The following NRF1 variants were observed in gnomAD, a reference collection of about 807,000 sequenced individuals.
The protein encoded by NRF1 is alpha palindromic-binding protein.
Under a neutral mutation model 58.5 loss-of-function variants are expected in NRF1, and 5 were observed. The observed-to-expected ratio is 0.09, with a 90% CI of 0.04 to 0.18. The LOEUF (loss-of-function observed/expected upper bound fraction) is 0.18. NRF1 is among the 10% of genes least tolerant of loss of function. NRF1 has a pLI of 1.00. For missense variants in NRF1, 288 were observed against 657.7 expected, an observed-to-expected ratio of 0.44 and a Z score of 6.15; for synonymous variants, 224 against 246.7, an observed-to-expected ratio of 0.91 and a Z score of 0.86.
intron 1 of NRF1, among the ~76,000 whole-genome samples, chr7:129,648,569 A>G (rs1801465184): frequency 6.6e-6 from 1 of 152,044 alleles, no homozygotes; most frequent in Admixed American, 6.6e-5. Flanking sequence ...GTGAGCCACC[A>G]CACCCAGCTT....
At chr7:129,742,450 C>T (rs1401985865) in intron 10 of NRF1, among the ~76,000 whole-genome samples, 2 of 152,110 alleles carry the variant, frequency 1.3e-5, no homozygotes, top group African/African-American at 4.8e-5. Context: ...CGACTCTGCC[C>T]AGCCCATCCT....
intron 1 of NRF1, among the ~76,000 whole-genome samples, chr7:129,631,780 TAA>T (rs78116020): frequency 0.026 from 4,006 of 152,332 alleles, 62 homozygotes; most frequent in Middle Eastern, 0.075. Context: ...TTTAGAGTTA[TAA>T]GTGTGTAAAA....
intron 3 of NRF1, among the ~76,000 whole-genome samples, chr7:129,676,812 A>G (rs1011336929): frequency 6.6e-6 from 1 of 152,234 alleles, no homozygotes; most frequent in Admixed American, 6.5e-5. Context: ...CCCAGATAGT[A>G]TCTGTGAAAC....
intron 2 of NRF1, among the ~76,000 whole-genome samples, chr7:129,661,102 G>A (rs532378267): frequency 5.9e-5 from 9 of 151,436 alleles, no homozygotes; most frequent in South Asian, 2.1e-4. Flanking sequence ...GCCATGGCCC[G>A]AGCTCTGTGT....
intron 8 of NRF1, among the ~76,000 whole-genome samples, chr7:129,711,809 G>T (rs749520875): frequency 6.6e-6 from 1 of 152,034 alleles, no homozygotes; most frequent in Non-Finnish European, 1.5e-5. Context: ...ACATTTGAAT[G>T]TATAGCATTT....
intron 1 of NRF1, among the ~76,000 whole-genome samples, chr7:129,643,392 C>A (rs759686250): frequency 2.6e-5 from 4 of 152,162 alleles, no homozygotes; most frequent in Non-Finnish European, 4.4e-5. Flanking sequence ...GGGGGCGGGA[C>A]TTGTGGCAAT....
At chr7:129,739,435 T>C (rs1186625524) in intron 10 of NRF1, among the ~76,000 whole-genome samples, 1 of 151,998 alleles carries the variant, frequency 6.6e-6, no homozygotes, top group East Asian at 1.9e-4. Context: ...CACTGTGGTC[T>C]CCTGGCAAGT....
intron 1 of NRF1, among the ~76,000 whole-genome samples, chr7:129,652,677 G>A (rs958250923): frequency 3.9e-5 from 6 of 152,076 alleles, no homozygotes; most frequent in African/African-American, 7.2e-5. Flanking sequence ...TGCAAGCTCC[G>A]CCTTCCGGGT....
chr7:129,696,024 A>T (rs1336853460), intron 5 of NRF1, among the ~76,000 whole-genome samples: 7 of 141,114 alleles, frequency 5.0e-5, no homozygotes, highest in Middle Eastern at 3.7e-3. Context: ...GGAGTTCGAG[A>T]CCAGCCTGAC....
chr7:129,652,887 C>T (rs576675540), intron 1 of NRF1, among the ~76,000 whole-genome samples: 9 of 152,288 alleles, frequency 5.9e-5, no homozygotes, highest in Admixed American at 2.0e-4. Flanking sequence ...CCACCGCGCC[C>T]GGCCAGATTA....
intron 2 of NRF1, among the ~76,000 whole-genome samples, chr7:129,670,642 TAA>T (rs1373551418): frequency 6.6e-6 from 1 of 152,194 alleles, no homozygotes; most frequent in Non-Finnish European, 1.5e-5. Flanking sequence ...AATGTCTTTT[TAA>T]AAAGATTGTC....
chr7:129,651,335 G>A (rs545619703), intron 1 of NRF1, among the ~76,000 whole-genome samples: 3 of 151,102 alleles, frequency 2.0e-5, no homozygotes, highest in African/African-American at 7.3e-5. Flanking sequence ...CACGAGAATT[G>A]CTTGAACCCA....
intron 1 of NRF1, chr7:129,633,762 A>G (rs1801101587): frequency 6.6e-6 from 1 of 151,308 alleles, no homozygotes; most frequent in Non-Finnish European, 1.5e-5. Context: ...TCAGCACTAG[A>G]TAACCATACT....
At chr7:129,725,096 G>T (rs891200491) in intron 9 of NRF1, among the ~76,000 whole-genome samples, 2 of 152,140 alleles carry the variant, frequency 1.3e-5, no homozygotes, top group Admixed American at 6.6e-5. Context: ...AAGTAGAATG[G>T]TGGTTGCCAG....
chr7:129,697,339 C>G (rs1294813348), intron 5 of NRF1, among the ~76,000 whole-genome samples: 1 of 151,472 alleles, frequency 6.6e-6, no homozygotes, highest in Non-Finnish European at 1.5e-5. Context: ...GTCAGGAGAT[C>G]GAGACCATCC....
At chr7:129,665,878 T>C (rs1406743876) in intron 2 of NRF1, among the ~76,000 whole-genome samples, 2 of 152,152 alleles carry the variant, frequency 1.3e-5, no homozygotes, top group African/African-American at 4.8e-5. Flanking sequence ...CCTCCCAGAG[T>C]GTTGGGATTA....
chr7:129,658,751 C>T (rs1801716926), intron 2 of NRF1, among the ~76,000 whole-genome samples: 1 of 152,120 alleles, frequency 6.6e-6, no homozygotes, highest in African/African-American at 2.4e-5. Context: ...ATACAGTTGG[C>T]TCTCTTTATC....
chr7:129,621,219 T>C (rs529620326), intron 1 of NRF1, among the ~76,000 whole-genome samples: 2 of 152,340 alleles, frequency 1.3e-5, no homozygotes, highest in African/African-American at 4.8e-5. Flanking sequence ...GGCAGTGATA[T>C]CCATACTTTT....
At chr7:129,634,034 AAAAAAAAAG>A (rs1348027900) in intron 1 of NRF1, among the ~76,000 whole-genome samples, 5 of 68,546 alleles carry the variant, frequency 7.3e-5, no homozygotes, top group African/African-American at 3.7e-4. Context: ...GTATTTAAAA[AAAAAAAAAG>A]ATATATATAT....
Sources: gnomAD v4.1 joint callset for allele counts (sites outside exome capture counted in the v4.1 genomes callset) on GRCh38, gnomAD v4.1.1 for gene constraint, MANE v1.5 for transcripts, NCBI Gene and HGNC (gene_info 2026-07-23, HGNC 2026-07-21) for gene names.